Variants in PDE1A observed in about 807,000 individuals in gnomAD.
PDE1A encodes phosphodiesterase 1A, also known as dual specificity calcium/calmodulin-dependent 3',5'-cyclic nucleotide phosphodiesterase 1A.
Under a neutral mutation model 61.7 loss-of-function variants are expected in PDE1A, and 35 were observed. The observed-to-expected ratio is 0.57, with a 90% CI of 0.43 to 0.75. The LOEUF (loss-of-function observed/expected upper bound fraction) is 0.75. Ranked by LOEUF, PDE1A falls within the 30% of genes least tolerant of loss-of-function variation. PDE1A has a pLI of 0.00. For synonymous variants in PDE1A, 232 were observed against 213.2 expected, an observed-to-expected ratio of 1.09 and a Z score of -0.77; for missense variants, 597 against 630.6, an observed-to-expected ratio of 0.95 and a Z score of 0.57.
At chr2:182,364,471 A>AAAAAAAAAAAAC (rs1699707461) in intron 1 of PDE1A, among the ~76,000 whole-genome samples, 1 of 120,424 alleles carries the variant, frequency 8.3e-6, no homozygotes, top group East Asian at 3.5e-4. Flanking sequence ...TTTGGTAAAA[A>AAAAAAAAAAAAC]AAAAAAAAAA....
chr2:182,227,804 T>C (rs1362783080), intron 6 of PDE1A, among the ~76,000 whole-genome samples: 1 of 152,068 alleles, frequency 6.6e-6, no homozygotes, highest in Admixed American at 6.6e-5. Flanking sequence ...TTGGAAGCCA[T>C]TTATAAGAAC....
At chr2:182,430,472 G>A (rs1703878303), upstream of PDE1A, among the ~76,000 whole-genome samples, 1 of 78,136 alleles carries the variant, frequency 1.3e-5, no homozygotes, top group South Asian at 5.5e-4. Flanking sequence ...TGCTGGAGAG[G>A]ATGTGGAGAA....
chr2:182,437,295 A>C (rs1038421831), intron 2 of PDE1A, among the ~76,000 whole-genome samples: 1 of 151,980 alleles, frequency 6.6e-6, no homozygotes, highest in Non-Finnish European at 1.5e-5. Flanking sequence ...TCCAACACAA[A>C]GGTGTGTCTG....
the PDE1A span, among the ~76,000 whole-genome samples, chr2:182,616,813 G>A: frequency 6.6e-6 from 1 of 152,154 alleles, no homozygotes; most frequent in East Asian, 1.9e-4. Context: ...GGGGACAGCG[G>A]GTATGGGCTA....
the PDE1A span, among the ~76,000 whole-genome samples, chr2:182,573,116 C>A: frequency 6.6e-6 from 1 of 152,046 alleles, no homozygotes; most frequent in African/African-American, 2.4e-5. Flanking sequence ...CTGCCTCGCA[C>A]GTTATTCTAT....
chr2:182,665,190 A>G, the PDE1A span, among the ~76,000 whole-genome samples: 2 of 152,306 alleles, frequency 1.3e-5, no homozygotes, highest in South Asian at 4.1e-4. Flanking sequence ...CTTGTCATAA[A>G]AAATGTACAT....
At chr2:182,598,361 C>T in the PDE1A span, among the ~76,000 whole-genome samples, 9 of 152,156 alleles carry the variant, frequency 5.9e-5, no homozygotes, top group African/African-American at 2.2e-4. Context: ...CACCTAAGGC[C>T]AGGAGTTCAA....
downstream of PDE1A, among the ~76,000 whole-genome samples, chr2:182,166,841 C>A (rs1020788741): frequency 6.6e-6 from 1 of 152,102 alleles, no homozygotes; most frequent in Non-Finnish European, 1.5e-5. Flanking sequence ...GGACATCAGC[C>A]ATTCTTAGCT....
At chr2:182,242,926 C>CTCTCTCGA (rs1553550717) in intron 2 of PDE1A, among the ~76,000 whole-genome samples, 1 of 31,786 alleles carries the variant, frequency 3.1e-5, no homozygotes, top group Non-Finnish European at 6.2e-5. Flanking sequence ...CTCTCTCTCT[C>CTCTCTCGA]GTGTGTGTAT....
the PDE1A span, among the ~76,000 whole-genome samples, chr2:182,694,842 T>G: frequency 5.5e-5 from 8 of 146,740 alleles, no homozygotes; most frequent in South Asian, 1.7e-3. Flanking sequence ...GGGGCAACAG[T>G]TGTTTGTTTG....
At chr2:182,475,652 T>C (rs560139540) in intron 2 of PDE1A, among the ~76,000 whole-genome samples, 20 of 152,082 alleles carry the variant, frequency 1.3e-4, no homozygotes, top group South Asian at 1.2e-3. Context: ...CTTCCAACAT[T>C]AAGGACCACA....
intron 1 of PDE1A, among the ~76,000 whole-genome samples, chr2:182,343,799 A>G (rs555293087): frequency 2.0e-5 from 3 of 152,200 alleles, no homozygotes; most frequent in East Asian, 3.9e-4. Flanking sequence ...ACCATATTTT[A>G]TCTCTGTCAA....
chr2:182,555,206 C>A, the PDE1A span, among the ~76,000 whole-genome samples: 1 of 152,054 alleles, frequency 6.6e-6, no homozygotes, highest in South Asian at 2.1e-4. Flanking sequence ...GAATCTTAAC[C>A]AAAAAAGGAT....
the PDE1A span, among the ~76,000 whole-genome samples, chr2:182,634,628 T>C: frequency 1.3e-5 from 2 of 152,328 alleles, no homozygotes; most frequent in South Asian, 4.1e-4. Flanking sequence ...TAAATAATGT[T>C]ACCCTCGCCT....
chr2:182,677,631 C>T, the PDE1A span, among the ~76,000 whole-genome samples: 1 of 152,150 alleles, frequency 6.6e-6, no homozygotes. Flanking sequence ...TCAAACGATG[C>T]TACAGGGCTA....
intron 2 of PDE1A, among the ~76,000 whole-genome samples, chr2:182,464,922 A>G (rs912089122): frequency 3.9e-5 from 6 of 152,278 alleles, no homozygotes; most frequent in Admixed American, 2.6e-4. Context: ...CTACTGATAC[A>G]TGATGAACAC....
chr2:182,321,040 A>G (rs903155889), intron 1 of PDE1A, among the ~76,000 whole-genome samples: 1 of 152,232 alleles, frequency 6.6e-6, no homozygotes, highest in African/African-American at 2.4e-5. Flanking sequence ...AAATGCTTAA[A>G]TAATCTGCTA....
chr2:182,212,265 TTATA>T (rs894556167), intron 7 of PDE1A, among the ~76,000 whole-genome samples: 2 of 150,354 alleles, frequency 1.3e-5, no homozygotes, highest in African/African-American at 4.9e-5. Context: ...ATGTATACAT[TTATA>T]TATATATACA....
chr2:182,186,718 T>C, intron 11 of PDE1A, 130 bp from the exon 12 acceptor site: 2 of 815,108 alleles, frequency 2.5e-6, no homozygotes, highest in Non-Finnish European at 3.8e-6. Context: ...ATATTGGTTC[T>C]GCTTACCCTT....
Sources: allele counts gnomAD v4.1 joint callset (sites outside exome capture counted in the v4.1 genomes callset), GRCh38; gene constraint gnomAD v4.1.1; transcripts MANE v1.5; gene names NCBI Gene and HGNC (gene_info 2026-07-23, HGNC 2026-07-21).